Variants in TENM1 observed in about 807,000 individuals in gnomAD.
TENM1 encodes the protein teneurin-1.
In TENM1, 35 loss-of-function variants were observed where a neutral mutation model predicts 174.8. The ratio of observed to expected loss-of-function variants is 0.20; its 90% CI spans 0.15 to 0.27. The LOEUF is 0.27. TENM1 is among the 10% of genes least tolerant of loss of function. The probability of loss-of-function intolerance (pLI) is 1.00; values close to 1 mark genes in which losing one functional copy is unlikely to be tolerated. For synonymous variants in TENM1, 781 were observed against 798.7 expected, an observed-to-expected ratio of 0.98 and a Z score of 0.37; for missense variants, 1,633 against 2,130.1, an observed-to-expected ratio of 0.77 and a Z score of 4.59.
chrX:124,409,492 C>T (rs1212227604), intron 25 of TENM1, among the ~76,000 whole-genome samples: 1 of 108,839 alleles, frequency 9.2e-6, no homozygotes, highest in Non-Finnish European at 1.9e-5. Context: ...CTCACCACTC[C>T]TATTCAACAT....
intron 1 of TENM1, among the ~76,000 whole-genome samples, chrX:124,934,259 A>T (rs1432182147): frequency 8.9e-6 from 1 of 112,309 alleles, no homozygotes; most frequent in Non-Finnish European, 1.9e-5. Context: ...TTTTTGTCAG[A>T]TATTACTACA....
chrX:124,385,295 C>T (rs1273194841), intron 29 of TENM1, among the ~76,000 whole-genome samples: 3 of 112,053 alleles, frequency 2.7e-5, no homozygotes, highest in Non-Finnish European at 5.6e-5. Context: ...AAAGTTCTGA[C>T]TTGTGAAGAT....
At chrX:124,853,753 G>A (rs1161493407) in intron 3 of TENM1, among the ~76,000 whole-genome samples, 1 of 110,947 alleles carries the variant, frequency 9.0e-6, no homozygotes, top group Non-Finnish European at 1.9e-5. Flanking sequence ...CAGTTTTAAG[G>A]GCTTGGCTGA....
chrX:124,980,783 A>G, the TENM1 span, among the ~76,000 whole-genome samples: 2 of 111,707 alleles, frequency 1.8e-5, no homozygotes, highest in African/African-American at 6.5e-5. Context: ...ATTGCCAATC[A>G]TTTGAAAAAA....
intron 1 of TENM1, among the ~76,000 whole-genome samples, chrX:124,955,704 A>T (rs1000515066): frequency 1.8e-5 from 2 of 110,729 alleles, no homozygotes; most frequent in African/African-American, 6.6e-5. Flanking sequence ...TAGGGATTAC[A>T]TTGAATCTAT....
chrX:124,734,925 T>C (rs968186462), intron 4 of TENM1, among the ~76,000 whole-genome samples: 1 of 111,868 alleles, frequency 8.9e-6, no homozygotes, highest in African/African-American at 3.2e-5. Flanking sequence ...TATCCCTCAC[T>C]GTATACAAAA....
chrX:124,466,368 G>A (rs2061241173), intron 22 of TENM1, among the ~76,000 whole-genome samples: 1 of 112,248 alleles, frequency 8.9e-6, no homozygotes, highest in African/African-American at 3.2e-5. Context: ...TGAGTTGTAT[G>A]AAAATACTTC....
the TENM1 span, among the ~76,000 whole-genome samples, chrX:125,074,027 T>G: frequency 1.9e-4 from 21 of 111,797 alleles, 1 homozygote; most frequent in East Asian, 5.7e-3. Flanking sequence ...CTGTAAGGAT[T>G]TGCCTCAAGT....
At chrX:124,906,502 G>C (rs140352939) in intron 1 of TENM1, among the ~76,000 whole-genome samples, 3 of 111,482 alleles carry the variant, frequency 2.7e-5, no homozygotes, top group Non-Finnish European at 5.7e-5. Context: ...GTTGGCCCTA[G>C]ATATCTTCAT....
chrX:125,154,673 C>T, the TENM1 span, among the ~76,000 whole-genome samples: 2 of 111,117 alleles, frequency 1.8e-5, no homozygotes, highest in East Asian at 5.7e-4. Flanking sequence ...GTGAGTGTTA[C>T]AGTTCTTAAA....
chrX:124,582,885 C>T (rs1459231706), intron 11 of TENM1, among the ~76,000 whole-genome samples: 4 of 112,400 alleles, frequency 3.6e-5, no homozygotes, highest in Non-Finnish European at 5.6e-5. Context: ...GATTATATCC[C>T]GCACCTGGCT....
At chrX:125,166,511 G>C in the TENM1 span, among the ~76,000 whole-genome samples, 1 of 111,261 alleles carries the variant, frequency 9.0e-6, no homozygotes, top group Non-Finnish European at 1.9e-5. Flanking sequence ...TGTAAAGTGA[G>C]ATACTCAGGA....
chrX:125,132,411 CCTTAT>C, the TENM1 span, among the ~76,000 whole-genome samples: 1 of 111,141 alleles, frequency 9.0e-6, no homozygotes. Context: ...TTTCTCATGG[CCTTAT>C]CTTTTCATCT....
the TENM1 span, among the ~76,000 whole-genome samples, chrX:125,083,215 A>C: frequency 9.0e-6 from 1 of 111,316 alleles, no homozygotes; most frequent in African/African-American, 3.3e-5. Flanking sequence ...TCTTTCATTA[A>C]GCTCAACATC....
At chrX:124,672,190 A>G (rs1056867486) in intron 5 of TENM1, among the ~76,000 whole-genome samples, 2 of 111,342 alleles carry the variant, frequency 1.8e-5, no homozygotes, top group Admixed American at 1.9e-4. Context: ...TATGGAAACT[A>G]TTACAGAGTA....
the TENM1 span, among the ~76,000 whole-genome samples, chrX:125,102,663 TG>T: frequency 8.9e-6 from 1 of 112,301 alleles, no homozygotes; most frequent in African/African-American, 3.2e-5. Flanking sequence ...ACTAATGACC[TG>T]TTCTTTGCCA....
At chrX:124,843,968 T>C (rs1402407403) in intron 3 of TENM1, among the ~76,000 whole-genome samples, 1 of 112,032 alleles carries the variant, frequency 8.9e-6, no homozygotes, top group Non-Finnish European at 1.9e-5. Flanking sequence ...TTCATTATCA[T>C]TAACAGCCAG....
intron 8 of TENM1, among the ~76,000 whole-genome samples, chrX:124,647,797 T>C (rs2051200203): frequency 9.1e-6 from 1 of 109,667 alleles, no homozygotes; most frequent in Non-Finnish European, 1.9e-5. Context: ...CACCTTTCTA[T>C]AAATTTCTCA....
chrX:125,126,973 G>T, the TENM1 span, among the ~76,000 whole-genome samples: 1 of 111,131 alleles, frequency 9.0e-6, no homozygotes, highest in East Asian at 2.8e-4. Context: ...GGCCTGATCC[G>T]TATTATTATT....
Sources: gnomAD v4.1 joint callset for allele counts (sites outside exome capture counted in the v4.1 genomes callset) on GRCh38, gnomAD v4.1.1 for gene constraint, MANE v1.5 for transcripts, NCBI Gene and HGNC (gene_info 2026-07-23, HGNC 2026-07-21) for gene names.